Variants in PTPRF observed in about 807,000 individuals in gnomAD.
The protein encoded by PTPRF is receptor-type tyrosine-protein phosphatase F.
A neutral mutation model predicts 201.8 loss-of-function variants in PTPRF; 59 were observed. That is an observed-to-expected ratio of 0.29 (90% CI 0.24 to 0.36). The LOEUF (loss-of-function observed/expected upper bound fraction) is 0.36, where lower values mean the gene tolerates loss of function less well. Among genes scored for constraint, PTPRF ranks in the 10% least tolerant of loss-of-function variants. The pLI is 1.00. For synonymous variants in PTPRF, 1,088 were observed against 1,089.7 expected (o/e 1.00, Z 0.03); for missense variants, 2,132 against 2,690.5 (o/e 0.79, Z 4.59).
At position 43,567,549 on chromosome 1, in the gene PTPRF, C is replaced by T. The variant is rs143185255; in HGVS notation, c.380-2041C>T. 1.6e-4 allele frequency among the ~76,000 whole-genome samples: 24 copies of T among 152,332 alleles called. No individual in the cohort carries two copies. The East Asian group carries it at 2.7e-3, about 17-fold the overall frequency. ...ATTGCTCTCTAGCCTGAGACCTCTG[C>T]TCCTCATGGGCCACAGTCCCTTTGG... On this transcript the variant is annotated intron_variant, in intron 5 of 33. Transcript: ENST00000359947.
chr1:43,582,773 G>T (rs1648051058), intron 7 of PTPRF, among the ~76,000 whole-genome samples: 1 of 152,212 alleles, frequency 6.6e-6, no homozygotes, highest in Non-Finnish European at 1.5e-5. Context: ...TGAGGCATGG[G>T]GGCCTGCCTG....
At chr1:43,599,417 G>A (rs1314854455) in intron 13 of PTPRF, among the ~76,000 whole-genome samples, 1 of 152,142 alleles carries the variant, frequency 6.6e-6, no homozygotes, top group Non-Finnish European at 1.5e-5. Flanking sequence ...AGACAGTGCT[G>A]GGCTGGCATC....
chr1:43,552,666 G>A (rs1320283373), intron 3 of PTPRF, among the ~76,000 whole-genome samples: 4 of 152,174 alleles, frequency 2.6e-5, no homozygotes, highest in African/African-American at 9.7e-5. Context: ...CAAGATTGTA[G>A]CAAATGGGTT....
intron 28 of PTPRF, 26 bp from the exon 29 acceptor site, chr1:43,619,654 C>T (rs773490937): frequency 1.2e-6 from 2 of 1,612,716 alleles, no homozygotes; most frequent in Non-Finnish European, 8.5e-7. Flanking sequence ...GGAAGCCTGG[C>T]CTGACCAATC....
At position 43,596,215 on chromosome 1, in the gene PTPRF, A is replaced by G. The variant is rs569922015; in HGVS notation, c.1814-1533A>G. Among the ~76,000 whole-genome samples, 430 of 152,206 alleles carry G rather than the reference A, an allele frequency of 2.8e-3. 2 individuals are homozygous for G. The highest frequency in any genetic ancestry group is 9.6e-3 in the African/African-American group (397 of 41,520). On this transcript the variant is annotated intron_variant, in intron 11 of 33. Coordinates refer to ENST00000359947, the MANE Select transcript of PTPRF (RefSeq NM_002840.5). ...AGCAGGCTCAGTGCCCGGGGCCTGG[A>G]GTGACTGAGCAAGAACAAGGGGGTG...
chr1:43,570,013 C>G lies in PTPRF; in HGVS notation c.568+235C>G, dbSNP rs537099751. On this transcript the variant is annotated intron_variant, in intron 6 of 33. Coordinates refer to ENST00000359947, the MANE Select transcript of PTPRF (RefSeq NM_002840.5). Reference sequence around the variant, plus strand: ...ACTCCAGACTTTGGGCCAGTTCTGCCCCTCCCAGCACATGTGATGTGCCAG... The same window carrying G: ...ACTCCAGACTTTGGGCCAGTTCTGCGCCTCCCAGCACATGTGATGTGCCAG... Among the ~76,000 whole-genome samples the G allele has an allele frequency of 7.2e-5, 11 of 152,286 alleles. No homozygotes were observed. The South Asian group carries it at 2.3e-3, about 32-fold the overall frequency.
At chr1:43,570,547 G>A (rs1224556225) in intron 6 of PTPRF, among the ~76,000 whole-genome samples, 4 of 152,250 alleles carry the variant, frequency 2.6e-5, no homozygotes, top group South Asian at 2.1e-4. Flanking sequence ...GGCCAGTGCC[G>A]GCCAGAGCCC....
intron 3 of PTPRF, among the ~76,000 whole-genome samples, chr1:43,549,801 C>T (rs1198524937): frequency 6.6e-6 from 1 of 151,520 alleles, no homozygotes; most frequent in Admixed American, 6.6e-5. Flanking sequence ...GCGGAGGTTA[C>T]AGTGAGCTGA....
In PTPRF at chr1:43,554,660, G is replaced by C. The variant is rs1645233312; in HGVS notation, c.379+719G>C. On this transcript the variant is annotated intron_variant, in intron 5 of 33. Transcript: ENST00000359947. The surrounding 1 kb of genome is among the most constrained non-coding windows in gnomAD (Gnocchi z 4.1). ...GGAGAAAGCAATTCAGCATGAGTCT[G>C]GAGAGGTTTGGAGGGCAGATTACAC... 6.6e-6 allele frequency among the ~76,000 whole-genome samples: 1 copy of C among 152,108 alleles called. No individual in the cohort carries two copies. The highest frequency in any genetic ancestry group is 6.5e-5 in the Admixed American group (1 of 15,278).
At chr1:43,597,360 CTG>C (rs1471558224) in intron 11 of PTPRF, among the ~76,000 whole-genome samples, 2 of 151,200 alleles carry the variant, frequency 1.3e-5, no homozygotes, top group Admixed American at 6.6e-5. Context: ...GTGTGTGACA[CTG>C]TGAGAGACAC....
chr1:43,606,475 T>A lies in PTPRF; in HGVS notation c.3702+17T>A. The A allele has an allele frequency of 3.7e-6, 6 of 1,602,666 alleles. No individual in the cohort carries two copies. Among genetic ancestry groups the A allele is most frequent in the Non-Finnish European group, 4.3e-6 (5 of 1,172,860 alleles). On this transcript the variant is annotated intron_variant, in intron 20 of 33. Coordinates refer to ENST00000359947, the MANE Select transcript of PTPRF (RefSeq NM_002840.5). ...ATGGACCAGGTCTGCCTGAGCCGGC[T>A]TGGCTGTCAGCACCCTGATTCCCTG...
chr1:43,621,423 A>C (rs1659191336), intron 33 of PTPRF, among the ~76,000 whole-genome samples, 191 bp downstream of exon 33: 1 of 152,240 alleles, frequency 6.6e-6, no homozygotes, highest in South Asian at 2.1e-4. Context: ...TGGGAGAATC[A>C]CTTGAGGTCA....
rs1405214261 is a variant in PTPRF, at chr1:43,603,274, A to G, written c.2341-142A>G. The G allele has an allele frequency of 4.2e-6, 3 of 715,806 alleles. No homozygotes were observed. The highest frequency in any genetic ancestry group is 7.2e-6 in the Non-Finnish European group (3 of 416,038). 44.3% of individuals were successfully genotyped at this position (715,806 alleles called of 1,614,324 possible). ...GCCTGCTTCCTCTCCAGCAGAGGCC[A>G]CCATTGTATAGCCCCACCTTCCACA... On this transcript the variant is annotated intron_variant, in intron 14 of 33. Transcript: ENST00000359947. The surrounding 1 kb of genome is among the most constrained non-coding windows in gnomAD (Gnocchi z 5.8).
intron 23 of PTPRF, among the ~76,000 whole-genome samples, chr1:43,614,866 A>AC (rs1180649895): frequency 1.6e-5 from 1 of 64,074 alleles, no homozygotes; most frequent in Non-Finnish European, 3.5e-5. Flanking sequence ...AATATAAAAT[A>AC]AAAAAAACTC....
intron 25 of PTPRF, 151 bp from the exon 26 acceptor site, chr1:43,618,479 G>T: frequency 1.1e-6 from 1 of 886,620 alleles, no homozygotes; most frequent in East Asian, 2.5e-5. Context: ...TGTGGCTTGT[G>T]GAGGACAGGG....
intron 5 of PTPRF, among the ~76,000 whole-genome samples, chr1:43,561,980 C>T (rs1645837290): frequency 1.3e-5 from 2 of 152,184 alleles, no homozygotes; most frequent in East Asian, 1.9e-4. Flanking sequence ...CTCATGACCA[C>T]GGTGGAGCCA....
At chr1:43,527,803 C>T (rs547189581), upstream of PTPRF, among the ~76,000 whole-genome samples, 1 of 152,296 alleles carries the variant, frequency 6.6e-6, no homozygotes, top group Admixed American at 6.5e-5. Context: ...TAGCGAACAC[C>T]ACGAGCCCCT....
At chr1:43,523,083 C>G (rs1225441722), upstream of PTPRF, among the ~76,000 whole-genome samples, 1 of 152,142 alleles carries the variant, frequency 6.6e-6, no homozygotes, top group Non-Finnish European at 1.5e-5. Flanking sequence ...TAGAGAGGTG[C>G]TCTGGAGGTA....
Position 43,591,134 on chromosome 1 carries a change from C to G in PTPRF, c.1112C>G (p.Thr371Ser). The change falls in exon 9 of 34, where the codon ACC (threonine) becomes AGC (serine). Residue 371 changes from threonine (T) to serine (S), a missense_variant. This residue lies in a region of PTPRF where 351 missense variants were observed against 401.7 expected (regional missense o/e 0.87). Coordinates refer to ENST00000359947, the MANE Select transcript of PTPRF (RefSeq NM_002840.5). ...TTTCAGGAGGTGGATGGTGTGGCCACCACCCGCTACAGCATTGGCGGCCTC... is the reference window on the plus strand; with the variant it reads ...TTTCAGGAGGTGGATGGTGTGGCCAGCACCCGCTACAGCATTGGCGGCCTC... ...GPFQEVDGVA[T>S]TRYSIGGLSP... 2 of 1,613,630 alleles carry G rather than the reference C, an allele frequency of 1.2e-6. No individual in the cohort carries two copies. Among genetic ancestry groups the G allele is most frequent in the Non-Finnish European group, 1.7e-6 (2 of 1,180,034 alleles).
Sources: allele counts gnomAD v4.1 joint callset (sites outside exome capture counted in the v4.1 genomes callset), GRCh38; gene constraint gnomAD v4.1.1; regional missense constraint gnomAD v4.1.1; non-coding constraint Gnocchi (gnomAD v3.1); transcripts MANE v1.5; gene names NCBI Gene and HGNC (gene_info 2026-07-23, HGNC 2026-07-21).